NRG3: variants seen among roughly 807,000 people sequenced by gnomAD.
NRG3 encodes pro-neuregulin-3, membrane-bound isoform.
Under a neutral mutation model 66.9 loss-of-function variants are expected in NRG3, and 31 were observed. The observed-to-expected ratio is 0.46, with a 90% CI of 0.35 to 0.63. The LOEUF (loss-of-function observed/expected upper bound fraction) is 0.63. Ranked by LOEUF, NRG3 falls within the 20% of genes least tolerant of loss-of-function variation. The pLI, the probability that NRG3 is intolerant of heterozygous loss-of-function variation, is 0.00. For synonymous variants in NRG3, 393 were observed against 359.4 expected, an observed-to-expected ratio of 1.09 and a Z score of -1.06; for missense variants, 910 against 878.9, an observed-to-expected ratio of 1.04 and a Z score of -0.45.
At position 82,979,098 on chromosome 10, in the gene NRG3, C is replaced by T; in HGVS notation, c.1561C>T (p.Gln521Ter). The change falls in exon 8 of 9, where the codon CAG (glutamine) becomes TAG (stop). Residue 521 changes from glutamine to a stop codon, truncating the protein, a stop_gained. Transcript: ENST00000372141. LOFTEE classifies it high-confidence loss of function. ...ACTCGAAGAATCAAGGATCCCAGAC[C>T]AGGATACGATACCTTGCCAAGGGTA... is the stretch of plus-strand genomic sequence containing the variant. ...QQLEESRIPD[Q>*]DTIPCQGYSS... 6.2e-7 allele frequency: 1 copy of T among 1,613,996 alleles called. No individual in the cohort carries two copies. The highest frequency in any genetic ancestry group is 8.5e-7 in the Non-Finnish European group (1 of 1,179,954).
At chr10:82,278,620 T>C (rs1445977443) in intron 1 of NRG3, among the ~76,000 whole-genome samples, 2 of 152,136 alleles carry the variant, frequency 1.3e-5, no homozygotes, top group African/African-American at 2.4e-5. Flanking sequence ...TTAACAATGA[T>C]TTGAGAACTG....
intron 2 of NRG3, among the ~76,000 whole-genome samples, chr10:82,485,330 C>T (rs919169667): frequency 6.6e-6 from 1 of 151,828 alleles, no homozygotes; most frequent in African/African-American, 2.4e-5. Flanking sequence ...ATTTATAAAA[C>T]ACACTTATAC....
chr10:82,052,313 A>G (rs1024586350), intron 1 of NRG3, among the ~76,000 whole-genome samples: 1 of 152,148 alleles, frequency 6.6e-6, no homozygotes, highest in Admixed American at 6.6e-5. Context: ...TGCATATTGA[A>G]TTAGGCTGAA....
At chr10:82,202,297 T>A (rs2074874607) in intron 1 of NRG3, among the ~76,000 whole-genome samples, 1 of 152,090 alleles carries the variant, frequency 6.6e-6, no homozygotes, top group Admixed American at 6.5e-5. Context: ...GCATTGGAGA[T>A]CAAGTTGTAA....
intron 2 of NRG3, among the ~76,000 whole-genome samples, chr10:82,411,822 C>T (rs1038841029): frequency 3.3e-5 from 5 of 152,000 alleles, no homozygotes; most frequent in South Asian, 2.1e-4. Flanking sequence ...GGGGCCTTAG[C>T]GCACCAGAAA....
intron 2 of NRG3, among the ~76,000 whole-genome samples, chr10:82,381,910 G>T (rs1339848587): frequency 6.6e-6 from 1 of 152,012 alleles, no homozygotes; most frequent in Non-Finnish European, 1.5e-5. Flanking sequence ...GTTTTTGTAT[G>T]TGTGTGTACT....
intron 1 of NRG3, among the ~76,000 whole-genome samples, chr10:82,073,729 G>A (rs895918556): frequency 2.0e-5 from 3 of 152,050 alleles, no homozygotes; most frequent in African/African-American, 2.4e-5. Context: ...TACTTAGAAC[G>A]CTGTAATTAA....
At chr10:82,377,466 G>GCA (rs1205338329) in intron 2 of NRG3, among the ~76,000 whole-genome samples, 1 of 151,994 alleles carries the variant, frequency 6.6e-6, no homozygotes, top group African/African-American at 2.4e-5. Context: ...GTGCGCGAGC[G>GCA]CACATGCGTG....
At position 81,882,803 on chromosome 10, in the gene NRG3, A is replaced by G. The variant is rs139324777; in HGVS notation, c.823+6640A>G. Reference sequence around the variant, plus strand: ...TTATATGCCCTTGGGTTTTTCTTATATTCCTCTCTGATATCCTGGCACACA... The same window carrying G: ...TTATATGCCCTTGGGTTTTTCTTATGTTCCTCTCTGATATCCTGGCACACA... On this transcript the variant is annotated intron_variant, in intron 1 of 8. Transcript: ENST00000372141. Among the ~76,000 whole-genome samples the G allele has an allele frequency of 3.5e-3, 531 of 152,214 alleles. 1 individual carries two copies. Among genetic ancestry groups the G allele is most frequent in the African/African-American group, 0.012 (490 of 41,538 alleles).
intron 6 of NRG3, among the ~76,000 whole-genome samples, chr10:82,973,395 G>C (rs530446904): frequency 1.1e-4 from 16 of 152,156 alleles, no homozygotes; most frequent in Non-Finnish European, 1.9e-4. Context: ...TTTAATAAGT[G>C]TTGATTCAAT....
intron 1 of NRG3, among the ~76,000 whole-genome samples, chr10:82,102,036 C>T (rs1428407299): frequency 1.4e-5 from 2 of 138,720 alleles, no homozygotes; most frequent in Non-Finnish European, 3.1e-5. Flanking sequence ...CATATATATG[C>T]ACATATAAAT....
At chr10:81,954,310 C>T (rs1253678112) in intron 1 of NRG3, among the ~76,000 whole-genome samples, 2 of 152,118 alleles carry the variant, frequency 1.3e-5, no homozygotes, top group Non-Finnish European at 2.9e-5. Flanking sequence ...TGAATACTGG[C>T]AGTCATGACA....
intron 1 of NRG3, among the ~76,000 whole-genome samples, chr10:82,288,356 C>T (rs1273296288): frequency 6.6e-6 from 1 of 152,014 alleles, no homozygotes; most frequent in African/African-American, 2.4e-5. Context: ...GTAATTTACT[C>T]GGTATTATTC....
At chr10:81,944,797 C>G (rs180814687) in intron 1 of NRG3, among the ~76,000 whole-genome samples, 2 of 152,236 alleles carry the variant, frequency 1.3e-5, no homozygotes, top group African/African-American at 4.8e-5. Context: ...GAAATTATCC[C>G]TTCCAGTAAA....
intron 2 of NRG3, among the ~76,000 whole-genome samples, chr10:82,492,997 G>T (rs1475180236): frequency 6.6e-6 from 1 of 152,294 alleles, no homozygotes; most frequent in Admixed American, 6.5e-5. Flanking sequence ...GGATGGATTA[G>T]TTGGGTATCC....
intron 2 of NRG3, among the ~76,000 whole-genome samples, chr10:82,546,114 A>G (rs2043898349): frequency 1.3e-5 from 2 of 152,192 alleles, no homozygotes; most frequent in Admixed American, 6.5e-5. Flanking sequence ...TGGATTTTGC[A>G]TGGCCACCTT....
intron 1 of NRG3, among the ~76,000 whole-genome samples, chr10:82,093,733 T>G (rs1173338455): frequency 2.6e-5 from 4 of 152,184 alleles, no homozygotes; most frequent in Admixed American, 6.5e-5. Flanking sequence ...AGGCTTTATA[T>G]TTCAATAGAA....
At chr10:81,906,350 T>C (rs902335231) in intron 1 of NRG3, among the ~76,000 whole-genome samples, 1 of 152,162 alleles carries the variant, frequency 6.6e-6, no homozygotes, top group Admixed American at 6.5e-5. Flanking sequence ...TGAATCACAA[T>C]TGTTATTTCA....
In NRG3 at chr10:82,615,837, G is replaced by A. The variant is rs537491208; in HGVS notation, c.954-122740G>A. Among the ~76,000 whole-genome samples the A allele has an allele frequency of 6.6e-5, 10 of 152,222 alleles. No individual in the cohort carries two copies. In the South Asian group the frequency reaches 1.5e-3, roughly 22 times the overall value. On this transcript the variant is annotated intron_variant, in intron 2 of 8. Coordinates refer to ENST00000372141, the MANE Select transcript of NRG3 (RefSeq NM_001010848.4). ...AAAGGGAAGGAGAGACAGGTAAGAC[G>A]TACCATTAAAACAGACAAGCACACG...
Sources: allele counts gnomAD v4.1 joint callset (sites outside exome capture counted in the v4.1 genomes callset), GRCh38; gene constraint gnomAD v4.1.1; transcripts MANE v1.5; gene names NCBI Gene and HGNC (gene_info 2026-07-23, HGNC 2026-07-21).